Variants in ZNF536 observed in about 807,000 individuals in gnomAD.
The protein encoded by ZNF536 is zinc finger protein 536.
A neutral mutation model predicts 84.5 loss-of-function variants in ZNF536; 13 were observed. The ratio of observed to expected loss-of-function variants is 0.15; its 90% CI spans 0.10 to 0.24. The LOEUF (loss-of-function observed/expected upper bound fraction) is 0.24, where lower values mean the gene tolerates loss of function less well. ZNF536 is among the 10% of genes least tolerant of loss of function. The pLI, the probability that ZNF536 is intolerant of heterozygous loss-of-function variation, is 1.00. For missense variants in ZNF536, 1,536 were observed against 1,747.5 expected (o/e 0.88, Z 2.16); for synonymous variants, 811 against 742.5 (o/e 1.09, Z -1.50).
chr19:30,443,251 A>G (rs1442187316), intron 1 of ZNF536, among the ~76,000 whole-genome samples: 3 of 152,052 alleles, frequency 2.0e-5, no homozygotes, highest in Non-Finnish European at 4.4e-5. Flanking sequence ...TCACACGTAG[A>G]CCCTTGATTT....
intron 1 of ZNF536, among the ~76,000 whole-genome samples, chr19:30,664,782 C>T (rs973879706): frequency 4.6e-5 from 7 of 152,178 alleles, no homozygotes; most frequent in East Asian, 1.9e-4. Flanking sequence ...CATCAAAGAG[C>T]GCTTTCTGCT....
chr19:30,328,188 C>T (rs1056372519), intron 2 of ZNF536, among the ~76,000 whole-genome samples: 1 of 152,046 alleles, frequency 6.6e-6, no homozygotes, highest in African/African-American at 2.4e-5. Context: ...GCAGAACTCC[C>T]CAGGGGAGGT....
intron 1 of ZNF536, among the ~76,000 whole-genome samples, chr19:30,613,489 CA>C (rs1159133231): frequency 1.3e-5 from 2 of 151,236 alleles, no homozygotes; most frequent in Non-Finnish European, 3.0e-5. Context: ...AGTGTAGATG[CA>C]CTGATATTTA....
rs115805950 is a variant in ZNF536, at chr19:30,588,239, G to A, written c.169+38725G>A. 5.5e-3 allele frequency among the ~76,000 whole-genome samples: 840 copies of A among 152,346 alleles called. 5 individuals carry two copies. Among genetic ancestry groups the A allele is most frequent in the African/African-American group, 0.019 (801 of 41,578 alleles). Reference sequence around the variant, plus strand: ...CCTAGCAGAAAAAGCAGAGTGTTCTGTCACCTAACTGTTGAGCATCACCAC... The same window carrying A: ...CCTAGCAGAAAAAGCAGAGTGTTCTATCACCTAACTGTTGAGCATCACCAC... On this transcript the variant is annotated intron_variant, in intron 1 of 1. Coordinates refer to the ZNF536 transcript ENST00000592773.
At chr19:30,648,697 A>G (rs75793474) in intron 1 of ZNF536, among the ~76,000 whole-genome samples, 1,964 of 152,346 alleles carry the variant, frequency 0.013, 49 homozygotes, top group African/African-American at 0.044. Flanking sequence ...AAATTTGCCC[A>G]CAAACAAGGA....
intron 1 of ZNF536, among the ~76,000 whole-genome samples, chr19:30,566,324 T>C (rs1021851752): frequency 2.6e-5 from 4 of 152,188 alleles, no homozygotes; most frequent in African/African-American, 9.7e-5. Flanking sequence ...CAGCTCCCTT[T>C]ATCCCAGCAG....
chr19:30,551,628 T>C (rs1211648810), intron 4 of ZNF536, among the ~76,000 whole-genome samples: 1 of 152,182 alleles, frequency 6.6e-6, no homozygotes, highest in Non-Finnish European at 1.5e-5. Flanking sequence ...CTTGAAGGCT[T>C]CCTGGTTGCT....
chr19:30,339,943 G>A (rs1195041199), intron 2 of ZNF536, among the ~76,000 whole-genome samples: 1 of 152,118 alleles, frequency 6.6e-6, no homozygotes, highest in Non-Finnish European at 1.5e-5. Flanking sequence ...TCCTGCAAGG[G>A]TGAGCTGGGT....
At chr19:30,396,695 G>A (rs781763510) in intron 1 of ZNF536, among the ~76,000 whole-genome samples, 3 of 143,652 alleles carry the variant, frequency 2.1e-5, no homozygotes, top group East Asian at 4.4e-4. Flanking sequence ...CTGCCCCGCC[G>A]CCAGGTTCAA....
chr19:30,571,819 C>A (rs757301445), intron 1 of ZNF536, among the ~76,000 whole-genome samples: 1 of 152,146 alleles, frequency 6.6e-6, no homozygotes, highest in Non-Finnish European at 1.5e-5. Flanking sequence ...TTGGGCCCTC[C>A]ATGATGAAAT....
chr19:30,251,870 A>G (rs2024629486), intron 1 of ZNF536, among the ~76,000 whole-genome samples: 1 of 152,198 alleles, frequency 6.6e-6, no homozygotes, highest in Non-Finnish European at 1.5e-5. Context: ...ACTTAGACTA[A>G]TAGTCTTCAA....
At chr19:30,537,571 G>GACCA (rs2045140462) in intron 3 of ZNF536, among the ~76,000 whole-genome samples, 1 of 148,582 alleles carries the variant, frequency 6.7e-6, no homozygotes, top group Non-Finnish European at 1.5e-5. Flanking sequence ...GTCGGCCCAA[G>GACCA]ACCAGTCAGC....
chr19:30,318,173 G>A (rs1201555102), intron 2 of ZNF536, among the ~76,000 whole-genome samples: 1 of 152,172 alleles, frequency 6.6e-6, no homozygotes, highest in Non-Finnish European at 1.5e-5. Flanking sequence ...GACCCCTTGA[G>A]CTGATGGAGC....
At position 30,292,320 on chromosome 19, in the gene ZNF536, G is replaced by GT. The variant is rs61202726; in HGVS notation, c.-120+8191dup. The stretch of plus-strand genomic sequence containing the variant: ...TGAAGATTGCTGTTTCTAGGGAACT[G>GT]TTTTTTTTTTTTCTCTTTTTCTTCT... On this transcript the variant is annotated intron_variant, in intron 2 of 5. Coordinates refer to the ZNF536 transcript ENST00000585628. Among the ~76,000 whole-genome samples the GT allele has an allele frequency of 7.4e-3, 1,071 of 144,284 alleles. 9 individuals are homozygous for GT. Among genetic ancestry groups the GT allele is most frequent in the East Asian group, 0.013 (63 of 4,966 alleles). The allele number at this position is 144,284 out of a possible 152,430, so 94.7% of individuals were successfully genotyped here.
chr19:30,473,391 C>G (rs1449996090), intron 2 of ZNF536, among the ~76,000 whole-genome samples: 1 of 152,036 alleles, frequency 6.6e-6, no homozygotes. Context: ...CTGGGGGCTG[C>G]TTTTCCAAGA....
intron 2 of ZNF536, among the ~76,000 whole-genome samples, chr19:30,477,427 T>C (rs1224041068): frequency 6.6e-6 from 1 of 152,216 alleles, no homozygotes; most frequent in Non-Finnish European, 1.5e-5. Flanking sequence ...AATGAATTTC[T>C]GCGGAGTCGT....
chr19:30,280,618 C>T (rs1457643994), intron 1 of ZNF536, among the ~76,000 whole-genome samples: 2 of 152,234 alleles, frequency 1.3e-5, no homozygotes, highest in Non-Finnish European at 2.9e-5. Context: ...AGGCAGGAAA[C>T]TCGCTGGCCT....
rs1289187635 is a variant in ZNF536, at chr19:30,445,543, G to A, written c.1981G>A (p.Glu661Lys). ...CCACAAGCGGGACCGCAAGGGCGAG[G>A]AGGATGGGCTGCACGTGGGCCTGGA... ...RVHKRDRKGE[E>K]DGLHVGLDER... The change falls in exon 2 of 5, where the codon GAG becomes AAG. Residue 661 changes from glutamate (E) to lysine (K), a missense_variant. Around this residue, in one of 8 missense-constraint regions of ZNF536, gnomAD observed 366 missense variants for 364.4 expected, o/e 1.00. Coordinates refer to ENST00000355537, the MANE Select transcript of ZNF536 (RefSeq NM_014717.3). The surrounding 1 kb of genome is among the most constrained non-coding windows in gnomAD (Gnocchi z 4.5). 1 of 1,613,786 alleles carries A rather than the reference G, an allele frequency of 6.2e-7. No individual in the cohort carries two copies. The highest frequency in any genetic ancestry group is 8.5e-7 in the Non-Finnish European group (1 of 1,179,916).
At chr19:30,278,949 C>A (rs923472579) in intron 1 of ZNF536, among the ~76,000 whole-genome samples, 2 of 152,146 alleles carry the variant, frequency 1.3e-5, no homozygotes, top group African/African-American at 4.8e-5. Context: ...GTACGTGGAT[C>A]CTAAAAAGCC....
Sources: allele counts gnomAD v4.1 joint callset (sites outside exome capture counted in the v4.1 genomes callset), GRCh38; gene constraint gnomAD v4.1.1; regional missense constraint gnomAD v4.1.1; non-coding constraint Gnocchi (gnomAD v3.1); transcripts MANE v1.5; gene names NCBI Gene and HGNC (gene_info 2026-07-23, HGNC 2026-07-21).